The following NBEA variants were observed in gnomAD, a reference collection of about 807,000 sequenced individuals.
The protein encoded by NBEA is neurobeachin.
A neutral mutation model predicts 343.4 loss-of-function variants in NBEA; 44 were observed. That is an observed-to-expected ratio of 0.13 (90% CI 0.10 to 0.16). The LOEUF (loss-of-function observed/expected upper bound fraction) is 0.16. Among genes scored for constraint, NBEA ranks in the 10% least tolerant of loss-of-function variants. The probability of loss-of-function intolerance (pLI) is 1.00; values close to 1 mark genes in which losing one functional copy is unlikely to be tolerated. For missense variants in NBEA, 2,555 were observed against 3,631.3 expected, an observed-to-expected ratio of 0.70 and a Z score of 7.62; for synonymous variants, 1,175 against 1,238.7, an observed-to-expected ratio of 0.95 and a Z score of 1.08.
At chr13:35,607,195 A>C (rs1593351733) in intron 48 of NBEA, among the ~76,000 whole-genome samples, 1 of 152,266 alleles carries the variant, frequency 6.6e-6, no homozygotes, top group East Asian at 1.9e-4. Flanking sequence ...GGTTATAGGC[A>C]AATGCCACCA....
intron 13 of NBEA, among the ~76,000 whole-genome samples, chr13:35,115,841 A>G (rs2066466112): frequency 2.6e-5 from 4 of 152,236 alleles, no homozygotes; most frequent in Admixed American, 2.0e-4. Context: ...AATCCTCACA[A>G]GATGTCCTAT....
chr13:35,088,714 T>C (rs887680471), intron 10 of NBEA, among the ~76,000 whole-genome samples: 3 of 151,698 alleles, frequency 2.0e-5, no homozygotes, highest in Admixed American at 6.6e-5. Flanking sequence ...AACAGAGATA[T>C]AGATCAATGG....
At chr13:35,427,109 A>C (rs1356038164) in intron 38 of NBEA, among the ~76,000 whole-genome samples, 1 of 151,994 alleles carries the variant, frequency 6.6e-6, no homozygotes, top group African/African-American at 2.4e-5. Context: ...TAGTTTGATC[A>C]TCTGAAGCCT....
intron 7 of NBEA, among the ~76,000 whole-genome samples, chr13:35,056,623 A>C (rs547956342): frequency 6.6e-6 from 1 of 152,132 alleles, no homozygotes; most frequent in Non-Finnish European, 1.5e-5. Flanking sequence ...AACTTCTTCT[A>C]TTCAGTGGGA....
chr13:35,461,346 T>G (rs1053088567), intron 40 of NBEA, among the ~76,000 whole-genome samples: 4 of 152,196 alleles, frequency 2.6e-5, no homozygotes, highest in African/African-American at 9.7e-5. Flanking sequence ...CCATTTTGAT[T>G]TTCTACTTTT....
intron 33 of NBEA, among the ~76,000 whole-genome samples, chr13:35,219,169 T>C (rs1019640507): frequency 6.6e-6 from 1 of 152,154 alleles, no homozygotes; most frequent in African/African-American, 2.4e-5. Flanking sequence ...TTATTTAAGC[T>C]AGCCAGCTTG....
chr13:35,271,682 T>G (rs2034166836), intron 34 of NBEA, among the ~76,000 whole-genome samples: 1 of 152,048 alleles, frequency 6.6e-6, no homozygotes, highest in Admixed American at 6.6e-5. Context: ...GACCTGAAAA[T>G]TGCAGTACGA....
At chr13:35,056,590 T>C (rs1241001230) in intron 7 of NBEA, among the ~76,000 whole-genome samples, 1 of 151,854 alleles carries the variant, frequency 6.6e-6, no homozygotes, top group Non-Finnish European at 1.5e-5. Context: ...GTAGGAAGAG[T>C]TGAGCAAGCA....
chr13:35,420,753 C>T (rs1164133768), intron 38 of NBEA, among the ~76,000 whole-genome samples: 1 of 151,714 alleles, frequency 6.6e-6, no homozygotes, highest in Non-Finnish European at 1.5e-5. Context: ...TTTTTTGGTC[C>T]ATTTCTTCTA....
At chr13:35,325,879 G>A (rs1284521750) in intron 36 of NBEA, among the ~76,000 whole-genome samples, 3 of 151,948 alleles carry the variant, frequency 2.0e-5, no homozygotes, top group Non-Finnish European at 4.4e-5. Context: ...TATTTGGCTA[G>A]GTAGCTATCC....
chr13:35,443,660 T>C (rs931423785), intron 39 of NBEA, among the ~76,000 whole-genome samples: 3 of 152,006 alleles, frequency 2.0e-5, no homozygotes, highest in Admixed American at 6.6e-5. Context: ...CTATTTCATG[T>C]GTAGAAATAC....
At chr13:35,370,303 T>G (rs2041356638) in intron 38 of NBEA, among the ~76,000 whole-genome samples, 1 of 152,012 alleles carries the variant, frequency 6.6e-6, no homozygotes, top group South Asian at 2.1e-4. Context: ...TGTCTTTTGT[T>G]TTTATTGCTT....
intron 36 of NBEA, among the ~76,000 whole-genome samples, chr13:35,317,917 A>G (rs145358758): frequency 1.3e-5 from 2 of 152,268 alleles, no homozygotes; most frequent in Middle Eastern, 3.4e-3. Flanking sequence ...TTACTGGTGT[A>G]TAGGAATGCT....
intron 41 of NBEA, among the ~76,000 whole-genome samples, chr13:35,541,574 A>C (rs1038673829): frequency 6.6e-6 from 1 of 152,124 alleles, no homozygotes; most frequent in African/African-American, 2.4e-5. Flanking sequence ...GTTAAGTGCT[A>C]TGATTCCAAT....
chr13:35,041,710 G>C (rs1434412159), intron 2 of NBEA, among the ~76,000 whole-genome samples: 2 of 151,814 alleles, frequency 1.3e-5, no homozygotes, highest in African/African-American at 4.8e-5. Flanking sequence ...AGAATTTCAA[G>C]ATAAAAATAC....
At chr13:35,040,524 T>C (rs1310953541) in intron 1 of NBEA, among the ~76,000 whole-genome samples, 1 of 145,210 alleles carries the variant, frequency 6.9e-6, no homozygotes, top group African/African-American at 2.6e-5. Flanking sequence ...GTTATATCTC[T>C]TTGTCTGTAA....
At chr13:35,049,256 A>G (rs118177841) in intron 5 of NBEA, among the ~76,000 whole-genome samples, 6,923 of 151,896 alleles carry the variant, frequency 0.046, 237 homozygotes, top group Non-Finnish European at 0.067. Flanking sequence ...AAGTACATCA[A>G]ACATTCATTG....
Position 35,250,438 on chromosome 13 carries a change from A to G in NBEA, c.5776+17819A>G, listed in dbSNP as rs535675840. Among the ~76,000 whole-genome samples, 266 of 152,302 alleles carry G rather than the reference A, an allele frequency of 1.7e-3. 1 individual carries two copies. Among genetic ancestry groups the G allele is most frequent in the African/African-American group, 6.1e-3 (254 of 41,582 alleles). On this transcript the variant is annotated intron_variant, in intron 34 of 58. Coordinates refer to ENST00000379939, the MANE Select transcript of NBEA (RefSeq NM_001385012.1). ...TCAGTAAACATGTAAAAAAAAGTCA[A>G]CCTCATTTGCAATCTCATAAATGGT...
At chr13:35,555,389 A>C (rs536421701) in intron 44 of NBEA, among the ~76,000 whole-genome samples, 1 of 152,258 alleles carries the variant, frequency 6.6e-6, no homozygotes, top group South Asian at 2.1e-4. Context: ...GAGTGTCTGG[A>C]AATAATAATG....
Sources: allele counts gnomAD v4.1 joint callset (sites outside exome capture counted in the v4.1 genomes callset), GRCh38; gene constraint gnomAD v4.1.1; transcripts MANE v1.5; gene names NCBI Gene and HGNC (gene_info 2026-07-23, HGNC 2026-07-21).